ADGRV1: variants seen among roughly 807,000 people sequenced by gnomAD.
ADGRV1 encodes the protein G-protein coupled receptor 98.
In ADGRV1, 359 loss-of-function variants were observed where a neutral mutation model predicts 596.2. That is an observed-to-expected ratio of 0.60 (90% confidence interval 0.55 to 0.66). The LOEUF is 0.66. ADGRV1 is among the 30% of genes least tolerant of loss of function. ADGRV1 has a pLI of 0.00. For synonymous variants in ADGRV1, 2,681 were observed against 2,679.2 expected (o/e 1.00, Z -0.02); for missense variants, 7,274 against 7,575.6 (o/e 0.96, Z 1.48).
At chr5:90,660,229 T>C (rs1054247052) in intron 21 of ADGRV1, among the ~76,000 whole-genome samples, 1 of 152,124 alleles carries the variant, frequency 6.6e-6, no homozygotes, top group African/African-American at 2.4e-5. Flanking sequence ...ATGTAATGGG[T>C]TTATTATTGC....
chr5:91,095,029 T>C (rs1790733669), intron 86 of ADGRV1, among the ~76,000 whole-genome samples: 1 of 151,884 alleles, frequency 6.6e-6, no homozygotes, highest in South Asian at 2.1e-4. Context: ...CTAGAGTGAG[T>C]TTCTTATTAT....
chr5:90,638,686 T>C (rs1322031092), intron 11 of ADGRV1, among the ~76,000 whole-genome samples: 1 of 152,146 alleles, frequency 6.6e-6, no homozygotes, highest in African/African-American at 2.4e-5. Context: ...AGAAGGTTAC[T>C]GTGACTTGAG....
At chr5:90,882,355 C>T (rs965789419) in intron 83 of ADGRV1, among the ~76,000 whole-genome samples, 2 of 152,114 alleles carry the variant, frequency 1.3e-5, no homozygotes, top group Non-Finnish European at 2.9e-5. Context: ...TATTGAATAT[C>T]GTCTTAAGAC....
Position 90,829,126 on chromosome 5 carries a change from T to G in ADGRV1, c.16551T>G (p.Ser5517Arg), listed in dbSNP as rs534125129. 6.2e-7 allele frequency: 1 copy of G among 1,606,550 alleles called. No individual in the cohort carries two copies. The highest frequency in any genetic ancestry group is 1.1e-5 in the South Asian group (1 of 89,820). The change falls in exon 77 of 90, where the codon AGT (serine) becomes AGG (arginine). Residue 5517 changes from serine to arginine, a missense_variant. Physicochemically the swap from Ser to Arg is moderately radical, Grantham distance 110. This residue lies in a region of ADGRV1 where 1,874 missense variants were observed against 1,970.2 expected (regional missense o/e 0.95). Coordinates refer to ENST00000405460, the MANE Select transcript of ADGRV1 (RefSeq NM_032119.4). ...AVAHKKATLI[S>R]LQVARDSGTG... ...CTCACAAGAAGGCCACTTTAATCAG[T>G]CTGCAGGTGGCCAGAGATTCTGGGA...
At chr5:91,090,696 G>A (rs558032862) in intron 86 of ADGRV1, among the ~76,000 whole-genome samples, 45 of 151,820 alleles carry the variant, frequency 3.0e-4, no homozygotes, top group African/African-American at 1.0e-3. Flanking sequence ...TAAGGGTCAG[G>A]GTAAATCCAT....
intron 78 of ADGRV1, among the ~76,000 whole-genome samples, chr5:90,844,141 C>A (rs554166003): frequency 2.6e-4 from 39 of 152,220 alleles, no homozygotes; most frequent in Non-Finnish European, 5.3e-4. Flanking sequence ...CTTTACCTGG[C>A]AAACCATTTA....
intron 1 of ADGRV1, among the ~76,000 whole-genome samples, chr5:90,564,612 A>AATATAT (rs200720440): frequency 5.2e-5 from 4 of 77,108 alleles, no homozygotes; most frequent in African/African-American, 2.3e-4. Flanking sequence ...CATGGCGTTT[A>AATATAT]ATATATATAT....
chr5:91,012,797 AG>A (rs1782832570), intron 85 of ADGRV1, among the ~76,000 whole-genome samples: 1 of 151,804 alleles, frequency 6.6e-6, no homozygotes. Flanking sequence ...TTGTGTCATG[AG>A]GGGTTGTTTT....
chr5:90,693,825 C>G (rs1046840849), intron 32 of ADGRV1, 65 bp from the exon 33 acceptor site: 10 of 1,229,212 alleles, frequency 8.1e-6, no homozygotes, highest in Non-Finnish European at 1.1e-5. Flanking sequence ...GTCAGCATTC[C>G]TCTTCTCTAT....
At chr5:91,114,187 C>T (rs936152537) in intron 87 of ADGRV1, among the ~76,000 whole-genome samples, 1 of 151,926 alleles carries the variant, frequency 6.6e-6, no homozygotes, top group Non-Finnish European at 1.5e-5. Flanking sequence ...CCACTGCACT[C>T]CAGCCTAGGC....
chr5:91,028,040 T>C (rs1231333166), intron 85 of ADGRV1, among the ~76,000 whole-genome samples: 1 of 151,128 alleles, frequency 6.6e-6, no homozygotes, highest in Non-Finnish European at 1.5e-5. Context: ...TTTCTTTCTT[T>C]TTTTTTTTTT....
intron 89 of ADGRV1, among the ~76,000 whole-genome samples, chr5:91,154,767 G>A (rs1007137197): frequency 6.6e-6 from 1 of 152,188 alleles, no homozygotes; most frequent in African/African-American, 2.4e-5. Context: ...CAGGGTGGCA[G>A]GACAGAGTGA....
At chr5:90,760,843 AG>A (rs1216253360) in intron 58 of ADGRV1, among the ~76,000 whole-genome samples, 1 of 152,232 alleles carries the variant, frequency 6.6e-6, no homozygotes, top group African/African-American at 2.4e-5. Context: ...TTTGGTACCT[AG>A]TACTAAATTA....
Position 90,811,326 on chromosome 5 carries a change from G to A in ADGRV1, c.16066G>A (p.Val5356Ile), listed in dbSNP as rs748219689. The A allele has an allele frequency of 1.4e-5, 23 of 1,602,424 alleles. No individual in the cohort carries two copies. The highest frequency in any genetic ancestry group is 2.0e-5 in the Non-Finnish European group (23 of 1,174,274). The change falls in exon 74 of 90, where the codon GTT (valine) becomes ATT (isoleucine). Residue 5356 changes from valine to isoleucine, a missense_variant. Physicochemically the swap from Val to Ile is conservative, Grantham distance 29. Coordinates refer to ENST00000405460, the MANE Select transcript of ADGRV1 (RefSeq NM_032119.4). ...DDTGFAAFAM[V>I]IITGSDLHNG... Reference sequence around the variant, plus strand: ...TACTGGATTTGCAGCTTTTGCCATGGTTATTATTACAGGTATATCTTTGAA... The same window carrying A: ...TACTGGATTTGCAGCTTTTGCCATGATTATTATTACAGGTATATCTTTGAA...
At chr5:90,754,677 A>T (rs143599837) in intron 54 of ADGRV1, among the ~76,000 whole-genome samples, 616 of 152,260 alleles carry the variant, frequency 4.0e-3, no homozygotes, top group South Asian at 6.4e-3. Flanking sequence ...TACTTCCCTA[A>T]GACTTTGCAG....
intron 64 of ADGRV1, chr5:90,780,184 G>C (rs1481947966): frequency 2.0e-5 from 3 of 152,054 alleles, no homozygotes; most frequent in Admixed American, 2.0e-4. Flanking sequence ...CTTTGCTACT[G>C]TTTTTTTAAA....
chr5:90,829,954 C>T (rs1371614717), intron 77 of ADGRV1, among the ~76,000 whole-genome samples: 1 of 152,096 alleles, frequency 6.6e-6, no homozygotes, highest in Non-Finnish European at 1.5e-5. Context: ...TTCTGGACAG[C>T]TCTTCTATTT....
chr5:90,561,001 C>T (rs554081203), intron 1 of ADGRV1, among the ~76,000 whole-genome samples: 3 of 152,212 alleles, frequency 2.0e-5, no homozygotes, highest in Admixed American at 6.5e-5. Context: ...TGTGACTAAA[C>T]TCTTTTGTTC....
intron 86 of ADGRV1, among the ~76,000 whole-genome samples, chr5:91,082,378 G>A (rs1347413967): frequency 6.6e-6 from 1 of 152,082 alleles, no homozygotes; most frequent in Non-Finnish European, 1.5e-5. Context: ...CCAGGATGGA[G>A]TGCCGTGGCA....
Sources: gnomAD v4.1 joint callset for allele counts (sites outside exome capture counted in the v4.1 genomes callset) on GRCh38, gnomAD v4.1.1 for gene constraint, gnomAD v4.1.1 regional missense constraint, MANE v1.5 for transcripts, NCBI Gene and HGNC (gene_info 2026-07-23, HGNC 2026-07-21) for gene names.